The following PAX5 variants were observed in gnomAD, a reference collection of about 807,000 sequenced individuals.
The protein encoded by PAX5 is paired box 5, also known as paired box protein Pax-5.
A neutral mutation model predicts 43.7 loss-of-function variants in PAX5; 9 were observed. The observed-to-expected ratio is 0.21, with a 90% CI of 0.12 to 0.36. The LOEUF (loss-of-function observed/expected upper bound fraction) is 0.36, where lower values mean the gene tolerates loss of function less well. Ranked by LOEUF, PAX5 falls within the 10% of genes least tolerant of loss-of-function variation. The probability of loss-of-function intolerance (pLI) is 1.00; values close to 1 mark genes in which losing one functional copy is unlikely to be tolerated. For missense variants in PAX5, 383 were observed against 532.7 expected, an observed-to-expected ratio of 0.72 and a Z score of 2.77; for synonymous variants, 228 against 214.3, an observed-to-expected ratio of 1.06 and a Z score of -0.56.
At chr9:37,002,967 C>A in intron 4 of PAX5, 191 bp from the exon 5 acceptor site, 1 of 611,792 alleles carries the variant, frequency 1.6e-6, no homozygotes, top group Non-Finnish European at 2.8e-6. Context: ...GCCGTGTGCC[C>A]CAGTTCTCTG....
chr9:36,985,735 G>C (rs1240410350), intron 5 of PAX5, among the ~76,000 whole-genome samples: 2 of 152,152 alleles, frequency 1.3e-5, no homozygotes, highest in Admixed American at 1.3e-4. Context: ...AGGGCGCAAA[G>C]CACACGTGGC....
intron 6 of PAX5, among the ~76,000 whole-genome samples, chr9:36,936,850 G>GCA (rs3059895): frequency 0.038 from 5,583 of 145,902 alleles, 142 homozygotes; most frequent in South Asian, 0.081. Flanking sequence ...ACACACACAT[G>GCA]CACACACACA....
intron 6 of PAX5, among the ~76,000 whole-genome samples, chr9:36,940,497 C>G (rs555688519): frequency 6.6e-6 from 1 of 152,108 alleles, no homozygotes; most frequent in Non-Finnish European, 1.5e-5. Flanking sequence ...CGCAGTGAGG[C>G]GCGGTAAATC....
chr9:36,883,392 A>G (rs1238206738), intron 7 of PAX5, among the ~76,000 whole-genome samples: 1 of 152,196 alleles, frequency 6.6e-6, no homozygotes, highest in Non-Finnish European at 1.5e-5. Flanking sequence ...AACAGAAAAG[A>G]ATGAATTAGG....
At chr9:36,885,779 C>T (rs889248604) in intron 7 of PAX5, among the ~76,000 whole-genome samples, 4 of 152,120 alleles carry the variant, frequency 2.6e-5, no homozygotes, top group African/African-American at 9.7e-5. Flanking sequence ...TAATTCTTCA[C>T]CCCACCCTCA....
At chr9:36,874,841 C>T (rs950663009) in intron 8 of PAX5, among the ~76,000 whole-genome samples, 5 of 152,192 alleles carry the variant, frequency 3.3e-5, no homozygotes, top group African/African-American at 1.2e-4. Context: ...CCGCCCTATC[C>T]AGCCCAGGCC....
At chr9:36,902,214 G>A (rs539295224) in intron 7 of PAX5, among the ~76,000 whole-genome samples, 1 of 152,176 alleles carries the variant, frequency 6.6e-6, no homozygotes, top group Non-Finnish European at 1.5e-5. Flanking sequence ...AGTTAGTGAC[G>A]TCAGGATTTA....
At chr9:36,991,520 G>A (rs920780803) in intron 5 of PAX5, among the ~76,000 whole-genome samples, 31 of 152,294 alleles carry the variant, frequency 2.0e-4, no homozygotes, top group African/African-American at 7.0e-4. Context: ...TTGGACCATG[G>A]AGGTGAGAAA....
At chr9:36,995,185 A>G (rs1247045662) in intron 5 of PAX5, among the ~76,000 whole-genome samples, 1 of 152,228 alleles carries the variant, frequency 6.6e-6, no homozygotes, top group East Asian at 1.9e-4. Flanking sequence ...CTGTTCACCC[A>G]TACTCCACAC....
intron 5 of PAX5, 24 bp from the exon 6 acceptor site, chr9:36,966,748 G>A (rs367834002): frequency 1.9e-6 from 3 of 1,609,166 alleles, no homozygotes; most frequent in African/African-American, 2.7e-5. Context: ...GAGAGAGGAA[G>A]GGTGAGTGGA....
In PAX5 at chr9:36,972,845, T is replaced by C. The variant is rs866135901; in HGVS notation, c.605-6121A>G. ...GAGTTCGAGACCAGCCTGGCCAACA[T>C]GGTGAAACCCCGTCTCTACTAAAAA... On this transcript the variant is annotated intron_variant, in intron 5 of 9. Coordinates refer to ENST00000358127, the MANE Select transcript of PAX5 (RefSeq NM_016734.3). 5.3e-5 allele frequency among the ~76,000 whole-genome samples: 8 copies of C among 152,004 alleles called. 1 individual carries two copies. The Middle Eastern group carries it at 0.017, about 323-fold the overall frequency.
intron 7 of PAX5, among the ~76,000 whole-genome samples, chr9:36,911,861 C>T (rs781074963): frequency 1.2e-4 from 18 of 152,226 alleles, no homozygotes; most frequent in Non-Finnish European, 2.4e-4. Flanking sequence ...GTCTCCACCA[C>T]GCAGCCGAAA....
chr9:37,031,282 C>A (rs1840954344), intron 1 of PAX5, among the ~76,000 whole-genome samples: 1 of 152,190 alleles, frequency 6.6e-6, no homozygotes, highest in Non-Finnish European at 1.5e-5. Context: ...ACAGGCAGCC[C>A]CTTCTAAAGC....
chr9:36,963,899 C>G (rs1008957613), intron 6 of PAX5, among the ~76,000 whole-genome samples: 2 of 152,198 alleles, frequency 1.3e-5, no homozygotes, highest in African/African-American at 4.8e-5. Context: ...TGTCCTCTCT[C>G]TGGGCCTCTA....
chr9:36,981,458 G>T (rs901354832), intron 5 of PAX5, among the ~76,000 whole-genome samples: 2 of 69,528 alleles, frequency 2.9e-5, no homozygotes, highest in Non-Finnish European at 6.5e-5. Flanking sequence ...CAAAAAACAG[G>T]TACAAAGGAG....
chr9:36,899,608 C>T (rs1435086655), intron 7 of PAX5, among the ~76,000 whole-genome samples: 1 of 152,090 alleles, frequency 6.6e-6, no homozygotes, highest in Non-Finnish European at 1.5e-5. Flanking sequence ...CCAGCCAAAG[C>T]CCAGAAACTA....
chr9:36,951,612 T>C (rs912938187), intron 6 of PAX5, among the ~76,000 whole-genome samples: 7 of 152,232 alleles, frequency 4.6e-5, no homozygotes, highest in African/African-American at 9.6e-5. Flanking sequence ...TTGTTTTAGG[T>C]TAATTACTAA....
At position 37,015,584 on chromosome 9, in the gene PAX5, T is replaced by C. The variant is rs766337777; in HGVS notation, c.213-390A>G. ...GCATACACAGCTCTCATAGTATTTC[T>C]TTTTTTTTTTTTCAGACGGAGTTTC... On this transcript the variant is annotated intron_variant, in intron 2 of 9. Coordinates refer to ENST00000358127, the MANE Select transcript of PAX5 (RefSeq NM_016734.3). This position sits in a 1 kb window ranked among gnomAD's most constrained non-coding sequence, Gnocchi z 4.4. Among the ~76,000 whole-genome samples, 10 of 142,486 alleles carry C rather than the reference T, an allele frequency of 7.0e-5. No homozygotes were observed. The highest frequency in any genetic ancestry group is 2.1e-4 in the Admixed American group (3 of 14,420). 93.5% of individuals were successfully genotyped at this position (142,486 alleles called of 152,430 possible). A position where few individuals can be genotyped will look rare whatever the true frequency, so the allele number is the denominator to read the frequency against.
intron 5 of PAX5, among the ~76,000 whole-genome samples, chr9:36,975,576 G>C (rs1036163629): frequency 6.6e-6 from 1 of 152,006 alleles, no homozygotes; most frequent in Non-Finnish European, 1.5e-5. Flanking sequence ...TAGTAGAGAC[G>C]GGGTTCCACC....
Sources: allele counts gnomAD v4.1 joint callset (sites outside exome capture counted in the v4.1 genomes callset), GRCh38; gene constraint gnomAD v4.1.1; non-coding constraint Gnocchi (gnomAD v3.1); transcripts MANE v1.5; gene names NCBI Gene and HGNC (gene_info 2026-07-23, HGNC 2026-07-21).